NECAB1: variants seen among roughly 807,000 people sequenced by gnomAD.
NECAB1 encodes N-terminal EF-hand calcium binding protein 1, also known as N-terminal EF-hand calcium-binding protein 1.
A neutral mutation model predicts 57.5 loss-of-function variants in NECAB1; 29 were observed. That is an observed-to-expected ratio of 0.50 (90% CI 0.38 to 0.69). The LOEUF (loss-of-function observed/expected upper bound fraction) is 0.69. Among genes scored for constraint, NECAB1 ranks in the 30% least tolerant of loss-of-function variants. The pLI is 0.00. For missense variants in NECAB1, 372 were observed against 413.8 expected, an observed-to-expected ratio of 0.90 and a Z score of 0.88; for synonymous variants, 142 against 147.7, an observed-to-expected ratio of 0.96 and a Z score of 0.28.
intron 1 of NECAB1, among the ~76,000 whole-genome samples, chr8:90,800,406 T>C (rs1378532655): frequency 6.6e-6 from 1 of 152,090 alleles, no homozygotes; most frequent in Non-Finnish European, 1.5e-5. Context: ...GTTCTAGCAT[T>C]CAAGGAGATG....
intron 2 of NECAB1, among the ~76,000 whole-genome samples, chr8:90,824,211 T>C (rs1812189370): frequency 6.6e-6 from 1 of 151,892 alleles, no homozygotes. Context: ...GTAAGTAAAA[T>C]GTCTTTGGCT....
At position 90,791,842 on chromosome 8, in the gene NECAB1, G is replaced by T; in HGVS notation, c.-45G>T. 1 of 1,485,998 alleles carries T rather than the reference G, an allele frequency of 6.7e-7. No homozygotes were observed. Among genetic ancestry groups the T allele is most frequent in the South Asian group, 1.2e-5 (1 of 82,352 alleles). 92.1% of individuals were successfully genotyped at this position (1,485,998 alleles called of 1,614,324 possible). On this transcript the variant is annotated 5_prime_UTR_variant, in exon 1 of 13. Transcript: ENST00000417640. Reference sequence around the variant, plus strand: ...GCCGCGCCCTTGCCAGAGCCGGTGCGTCCGCCTAGCCCCGCTCCGCCTGAG... The same window carrying T: ...GCCGCGCCCTTGCCAGAGCCGGTGCTTCCGCCTAGCCCCGCTCCGCCTGAG...
At chr8:90,838,834 G>C (rs1381425187) in intron 3 of NECAB1, among the ~76,000 whole-genome samples, 1 of 152,118 alleles carries the variant, frequency 6.6e-6, no homozygotes, top group Non-Finnish European at 1.5e-5. Flanking sequence ...ACAGTCAGCT[G>C]CTATAATCTA....
intron 8 of NECAB1, among the ~76,000 whole-genome samples, chr8:90,933,342 A>T (rs1810455131): frequency 6.6e-6 from 1 of 152,200 alleles, no homozygotes; most frequent in South Asian, 2.1e-4. Context: ...CCCGCCAATC[A>T]ATGAGTGGAT....
chr8:90,859,824 C>CT (rs1442880586), intron 3 of NECAB1, among the ~76,000 whole-genome samples: 1 of 151,936 alleles, frequency 6.6e-6, no homozygotes, highest in Non-Finnish European at 1.5e-5. Context: ...TTTAATATAT[C>CT]TTTTTTTACT....
chr8:90,831,064 A>C (rs1040970433), intron 3 of NECAB1, among the ~76,000 whole-genome samples: 5 of 152,048 alleles, frequency 3.3e-5, no homozygotes, highest in Non-Finnish European at 7.4e-5. Flanking sequence ...TCTGTCTCCC[A>C]TCATCTCTCA....
At chr8:90,801,664 T>C in intron 1 of NECAB1, 27 bp from the exon 2 acceptor site, 1 of 1,483,064 alleles carries the variant, frequency 6.7e-7, no homozygotes, top group Non-Finnish European at 9.1e-7. Context: ...AAAATGCTGA[T>C]AAAATTTTTT....
intron 5 of NECAB1, among the ~76,000 whole-genome samples, chr8:90,905,749 G>A (rs1337116938): frequency 2.6e-5 from 4 of 152,060 alleles, no homozygotes; most frequent in Non-Finnish European, 5.9e-5. Context: ...TTATATGTAA[G>A]TTAAATACTC....
chr8:90,946,164 G>A (rs1810800943), intron 10 of NECAB1, among the ~76,000 whole-genome samples: 1 of 152,150 alleles, frequency 6.6e-6, no homozygotes, highest in Admixed American at 6.5e-5. Context: ...CCCCATATTG[G>A]TCTTTTTGGC....
At chr8:90,841,100 C>T (rs1411708845) in intron 3 of NECAB1, among the ~76,000 whole-genome samples, 1 of 148,652 alleles carries the variant, frequency 6.7e-6, no homozygotes, top group Non-Finnish European at 1.5e-5. Context: ...ACTAAAAATA[C>T]AAAAAAAAAA....
At chr8:90,949,299 A>C (rs185513648) in intron 10 of NECAB1, among the ~76,000 whole-genome samples, 67 of 152,186 alleles carry the variant, frequency 4.4e-4, no homozygotes, top group African/African-American at 1.6e-3. Context: ...GTATAGCAGT[A>C]GTGTGGTCCA....
intron 10 of NECAB1, among the ~76,000 whole-genome samples, chr8:90,942,188 TTCC>T (rs1291700312): frequency 1.8e-4 from 27 of 152,350 alleles, no homozygotes; most frequent in African/African-American, 5.8e-4. Flanking sequence ...AAGCCTTAGT[TTCC>T]TCCTCAAGAG....
At chr8:90,951,730 C>T (rs949058299) in intron 12 of NECAB1, among the ~76,000 whole-genome samples, 1 of 150,360 alleles carries the variant, frequency 6.7e-6, no homozygotes, top group African/African-American at 2.5e-5. Context: ...TTCTGTCCAG[C>T]TTCACAGAAA....
At chr8:90,838,842 C>A (rs1297096029) in intron 3 of NECAB1, among the ~76,000 whole-genome samples, 1 of 152,194 alleles carries the variant, frequency 6.6e-6, no homozygotes, top group African/African-American at 2.4e-5. Context: ...CTGCTATAAT[C>A]TATATTTCCA....
intron 3 of NECAB1, among the ~76,000 whole-genome samples, chr8:90,849,483 C>CTTTTTTTT (rs5893138): frequency 2.6e-5 from 3 of 113,426 alleles, no homozygotes; most frequent in Non-Finnish European, 5.1e-5. Flanking sequence ...AAGAAAAATG[C>CTTTTTTTT]TTTTTTTTTT....
intron 1 of NECAB1, among the ~76,000 whole-genome samples, chr8:90,794,075 G>C (rs1811620633): frequency 6.6e-6 from 1 of 152,104 alleles, no homozygotes; most frequent in Admixed American, 6.6e-5. Context: ...GTGTTGACAT[G>C]CTTGTTTGTC....
At chr8:90,876,608 A>C (rs1808731012) in intron 4 of NECAB1, among the ~76,000 whole-genome samples, 1 of 152,080 alleles carries the variant, frequency 6.6e-6, no homozygotes, top group South Asian at 2.1e-4. Flanking sequence ...ACAGAACAAA[A>C]CTGTAGTTTG....
Position 90,824,800 on chromosome 8 carries a change from C to A in NECAB1, c.208C>A (p.His70Asn). 6.5e-7 allele frequency: 1 copy of A among 1,546,598 alleles called. No individual in the cohort carries two copies. The highest frequency in any genetic ancestry group is 2.4e-5 in the East Asian group (1 of 41,670). ...LSGEELHELFHTIDTHNTNNL... is the reference protein window; with the variant it reads ...LSGEELHELFNTIDTHNTNNL... ...TGGAGAAGAATTACACGAGCTTTTCCATACCATTGATACACATAATACTAA... is the reference window on the plus strand; with the variant it reads ...TGGAGAAGAATTACACGAGCTTTTCAATACCATTGATACACATAATACTAA... The change falls in exon 3 of 13, where the codon CAT (histidine) becomes AAT (asparagine). Residue 70 changes from histidine (H) to asparagine (N), a missense_variant. Coordinates refer to ENST00000417640, the MANE Select transcript of NECAB1 (RefSeq NM_022351.5).
At chr8:90,917,905 TATATATATACACACACACAC>T in intron 6 of NECAB1, among the ~76,000 whole-genome samples, 1 of 125,764 alleles carries the variant, frequency 8.0e-6, no homozygotes, top group African/African-American at 3.2e-5. Context: ...TGTCTGTGTG[TATATATATACACACACACAC>T]ATATATGTGT....
Sources: gnomAD v4.1 joint callset for allele counts (sites outside exome capture counted in the v4.1 genomes callset) on GRCh38, gnomAD v4.1.1 for gene constraint, MANE v1.5 for transcripts, NCBI Gene and HGNC (gene_info 2026-07-23, HGNC 2026-07-21) for gene names.